The following AGBL4 variants were observed in gnomAD, a reference collection of about 807,000 sequenced individuals.
AGBL4 encodes the protein AGBL carboxypeptidase 4.
A neutral mutation model predicts 66.4 loss-of-function variants in AGBL4; 58 were observed. The ratio of observed to expected loss-of-function variants is 0.87; its 90% confidence interval spans 0.71 to 1.09. The LOEUF (loss-of-function observed/expected upper bound fraction) is 1.09. Ranked by LOEUF, AGBL4 falls within the 50% of genes least tolerant of loss-of-function variation. The pLI, the probability that AGBL4 is intolerant of heterozygous loss-of-function variation, is 0.00. For missense variants in AGBL4, 579 were observed against 631.0 expected (o/e 0.92, Z 0.88); for synonymous variants, 234 against 222.9 (o/e 1.05, Z -0.44).
At chr1:49,208,613 G>T (rs1028087998) in intron 4 of AGBL4, among the ~76,000 whole-genome samples, 2 of 152,030 alleles carry the variant, frequency 1.3e-5, no homozygotes, top group Non-Finnish European at 2.9e-5. Flanking sequence ...ACACAGAGGG[G>T]ATCCAAGAAT....
intron 3 of AGBL4, among the ~76,000 whole-genome samples, chr1:49,269,475 G>A (rs1644006126): frequency 6.6e-6 from 1 of 152,152 alleles, no homozygotes; most frequent in South Asian, 2.1e-4. Flanking sequence ...ATACAACCAG[G>A]CCTTTCCTTG....
At chr1:50,007,743 G>A (rs535422255) in intron 1 of AGBL4, among the ~76,000 whole-genome samples, 4 of 152,244 alleles carry the variant, frequency 2.6e-5, no homozygotes, top group African/African-American at 9.6e-5. Context: ...TCCAGCCTAG[G>A]TGACAGAGTG....
chr1:49,938,951 C>T (rs1022683607), intron 1 of AGBL4, among the ~76,000 whole-genome samples: 1 of 151,972 alleles, frequency 6.6e-6, no homozygotes, highest in African/African-American at 2.4e-5. Context: ...ATCTAGAAAA[C>T]CCCACTGGCT....
At chr1:49,718,286 C>G (rs1648320562) in intron 2 of AGBL4, among the ~76,000 whole-genome samples, 1 of 152,012 alleles carries the variant, frequency 6.6e-6, no homozygotes, top group African/African-American at 2.4e-5. Context: ...CACCATTTCT[C>G]TCTCTTTGGC....
intron 4 of AGBL4, among the ~76,000 whole-genome samples, chr1:49,146,754 G>C (rs1483295925): frequency 6.6e-6 from 1 of 152,236 alleles, no homozygotes; most frequent in Non-Finnish European, 1.5e-5. Flanking sequence ...GGGGCCTCAG[G>C]GCCCACACCA....
At chr1:48,720,153 G>A (rs944753293) in intron 6 of AGBL4, among the ~76,000 whole-genome samples, 3 of 150,642 alleles carry the variant, frequency 2.0e-5, no homozygotes, top group Admixed American at 1.3e-4. Context: ...TGGCCCTGGG[G>A]ACTCAGAGAT....
intron 5 of AGBL4, among the ~76,000 whole-genome samples, chr1:48,943,776 G>GTTT (rs917716418): frequency 1.3e-5 from 2 of 152,060 alleles, no homozygotes; most frequent in Admixed American, 6.5e-5. Flanking sequence ...TGTTGTTGTT[G>GTTT]TTGTTGTGGC....
At chr1:49,050,739 T>C (rs901550661) in intron 4 of AGBL4, among the ~76,000 whole-genome samples, 4 of 152,146 alleles carry the variant, frequency 2.6e-5, no homozygotes, top group Non-Finnish European at 5.9e-5. Context: ...TTTGAAGTCT[T>C]TGTCAACAAC....
chr1:49,589,503 T>A (rs145862308), intron 3 of AGBL4, among the ~76,000 whole-genome samples: 2,093 of 152,138 alleles, frequency 0.014, 53 homozygotes, highest in African/African-American at 0.049. Flanking sequence ...TGTTCACCAA[T>A]ATTTTAGGAC....
chr1:49,310,258 A>G (rs1470896200), intron 3 of AGBL4, among the ~76,000 whole-genome samples: 1 of 152,062 alleles, frequency 6.6e-6, no homozygotes, highest in African/African-American at 2.4e-5. Flanking sequence ...GGAAGTAGGA[A>G]GTCACTGGAG....
intron 5 of AGBL4, among the ~76,000 whole-genome samples, chr1:48,887,851 G>A (rs1170401537): frequency 1.3e-5 from 2 of 152,152 alleles, no homozygotes; most frequent in Non-Finnish European, 2.9e-5. Context: ...TGCTCCTTGA[G>A]GACCTATCTC....
At chr1:49,742,975 C>T (rs1004629514) in intron 2 of AGBL4, among the ~76,000 whole-genome samples, 16 of 152,272 alleles carry the variant, frequency 1.1e-4, no homozygotes, top group African/African-American at 3.6e-4. Context: ...CAATACCATT[C>T]AGGACATAGG....
At chr1:48,871,767 T>C (rs1442987327) in intron 5 of AGBL4, among the ~76,000 whole-genome samples, 1 of 152,086 alleles carries the variant, frequency 6.6e-6, no homozygotes, top group Non-Finnish European at 1.5e-5. Flanking sequence ...CTATAGTGGA[T>C]GCTTGAGGAA....
At chr1:49,733,606 C>CA (rs979022968) in intron 2 of AGBL4, among the ~76,000 whole-genome samples, 1 of 152,130 alleles carries the variant, frequency 6.6e-6, no homozygotes, top group Non-Finnish European at 1.5e-5. Context: ...TGTATCCCCC[C>CA]AAATTCACAT....
At chr1:49,843,745 G>T (rs1646062850) in intron 2 of AGBL4, among the ~76,000 whole-genome samples, 1 of 152,134 alleles carries the variant, frequency 6.6e-6, no homozygotes, top group African/African-American at 2.4e-5. Flanking sequence ...CCACTATTCT[G>T]CCAGTCACCC....
chr1:49,834,093 C>T (rs890630238), intron 2 of AGBL4, among the ~76,000 whole-genome samples: 2 of 152,098 alleles, frequency 1.3e-5, no homozygotes, highest in Admixed American at 6.5e-5. Flanking sequence ...TTATGATGAC[C>T]TGATAAAATG....
At chr1:48,753,152 A>C (rs1652021263) in intron 6 of AGBL4, among the ~76,000 whole-genome samples, 1 of 152,244 alleles carries the variant, frequency 6.6e-6, no homozygotes, top group African/African-American at 2.4e-5. Flanking sequence ...CCGAGGCAAC[A>C]AAATTTGAAT....
At chr1:49,948,263 AATAAATACAT>A (rs1312729464) in intron 1 of AGBL4, among the ~76,000 whole-genome samples, 1 of 102,150 alleles carries the variant, frequency 9.8e-6, no homozygotes, top group African/African-American at 4.8e-5. Flanking sequence ...TAAATATATA[AATAAATACAT>A]ATAAATATAT....
At chr1:48,970,477 G>A (rs958866104) in intron 5 of AGBL4, among the ~76,000 whole-genome samples, 2 of 152,088 alleles carry the variant, frequency 1.3e-5, no homozygotes, top group African/African-American at 4.8e-5. Flanking sequence ...GAATTTCAAG[G>A]TCTAGTGACT....
Sources: gnomAD v4.1 joint callset for allele counts (sites outside exome capture counted in the v4.1 genomes callset) on GRCh38, gnomAD v4.1.1 for gene constraint, MANE v1.5 for transcripts, NCBI Gene and HGNC (gene_info 2026-07-23, HGNC 2026-07-21) for gene names.